Variants in BRD10 observed in about 807,000 individuals in gnomAD.
The protein encoded by BRD10 is uncharacterized bromodomain-containing protein 10.
the BRD10 span, chr9:5,988,325 A>AT: frequency 1.1e-3 from 1,568 of 1,489,936 alleles, 1 homozygote; most frequent in Non-Finnish European, 1.3e-3. Context: ...GAAATTATGA[A>AT]TTTTTTTCTT....
At chr9:5,974,650 T>C in the BRD10 span, among the ~76,000 whole-genome samples, 5 of 152,142 alleles carry the variant, frequency 3.3e-5, no homozygotes, top group Non-Finnish European at 1.5e-5. Flanking sequence ...CTGCAGGACA[T>C]AGTACCTGCA....
the BRD10 span, among the ~76,000 whole-genome samples, chr9:5,990,114 C>A: frequency 6.6e-6 from 1 of 152,182 alleles, no homozygotes; most frequent in Non-Finnish European, 1.5e-5. Context: ...GCTAATCTAG[C>A]ATACCATTTT....
chr9:5,946,593 T>C, the BRD10 span, among the ~76,000 whole-genome samples: 1 of 152,112 alleles, frequency 6.6e-6, no homozygotes, highest in Non-Finnish European at 1.5e-5. Flanking sequence ...TAATCTACTA[T>C]TATGATGACG....
the BRD10 span, among the ~76,000 whole-genome samples, chr9:5,941,543 A>T: frequency 6.6e-6 from 1 of 152,160 alleles, no homozygotes; most frequent in Admixed American, 6.6e-5. Context: ...TTTTGACTAA[A>T]CCCCTAAATG....
chr9:5,923,220 G>A, the BRD10 span: 25 of 1,613,810 alleles, frequency 1.5e-5, no homozygotes, highest in Non-Finnish European at 1.9e-5. Flanking sequence ...GTTTTAAGCA[G>A]TGTCTTCGGT....
chr9:5,975,945 A>G, the BRD10 span, among the ~76,000 whole-genome samples: 1 of 152,252 alleles, frequency 6.6e-6, no homozygotes, highest in Non-Finnish European at 1.5e-5. Context: ...GAAGAGGAAC[A>G]GAGCTTCCCT....
the BRD10 span, among the ~76,000 whole-genome samples, chr9:5,981,091 T>G: frequency 6.6e-6 from 1 of 152,376 alleles, no homozygotes; most frequent in East Asian, 1.9e-4. Context: ...ATTGTTTGCC[T>G]CTAGATCCAT....
At chr9:5,935,797 G>A in the BRD10 span, among the ~76,000 whole-genome samples, 15 of 152,198 alleles carry the variant, frequency 9.9e-5, no homozygotes, top group African/African-American at 2.2e-4. Flanking sequence ...CTCTCACAAC[G>A]CCTAACTCTG....
At chr9:5,924,896 G>T in the BRD10 span, 1 of 1,268,406 alleles carries the variant, frequency 7.9e-7, no homozygotes, top group South Asian at 2.5e-5. Context: ...TTAAATTCTT[G>T]GAATCTAAAC....
chr9:5,978,208 C>T, the BRD10 span, among the ~76,000 whole-genome samples: 3 of 151,708 alleles, frequency 2.0e-5, no homozygotes, highest in Non-Finnish European at 4.4e-5. Context: ...AGAAGCTGTG[C>T]CTAAGGTTAT....
the BRD10 span, among the ~76,000 whole-genome samples, chr9:5,894,953 A>T: frequency 6.6e-6 from 1 of 152,170 alleles, no homozygotes. This position sits in a 1 kb window ranked among gnomAD's most constrained non-coding sequence, Gnocchi z 4.0. Flanking sequence ...CTGAAGGCAC[A>T]AGCTTTCTGT....
the BRD10 span, among the ~76,000 whole-genome samples, chr9:5,977,770 G>A: frequency 3.9e-5 from 6 of 152,164 alleles, no homozygotes; most frequent in African/African-American, 1.4e-4. Context: ...AGGAGGCAGA[G>A]CTTGCAGTGA....
chr9:5,933,720 G>A, the BRD10 span: 8 of 467,386 alleles, frequency 1.7e-5, no homozygotes, highest in East Asian at 5.6e-4. Context: ...GCATCTCTAT[G>A]TATGTGAAAT....
At chr9:5,967,156 T>A in the BRD10 span, among the ~76,000 whole-genome samples, 1 of 152,190 alleles carries the variant, frequency 6.6e-6, no homozygotes, top group Non-Finnish European at 1.5e-5. Context: ...CAAACAATGA[T>A]GATGAAGAGC....
At chr9:5,921,072 A>G in the BRD10 span, 1 of 1,613,930 alleles carries the variant, frequency 6.2e-7, no homozygotes, top group Non-Finnish European at 8.5e-7. Context: ...GAAACCACTG[A>G]TTCATTAACA....
the BRD10 span, among the ~76,000 whole-genome samples, chr9:5,886,451 C>T: frequency 1.3e-5 from 2 of 152,224 alleles, no homozygotes; most frequent in South Asian, 2.1e-4. Context: ...AACAGGATCT[C>T]GTTTAACTCT....
At chr9:5,886,359 G>A in the BRD10 span, among the ~76,000 whole-genome samples, 1 of 152,204 alleles carries the variant, frequency 6.6e-6, no homozygotes, top group Non-Finnish European at 1.5e-5. Context: ...GGGCTGGTGT[G>A]GGGGCTGAGC....
chr9:5,969,880 A>G, the BRD10 span, among the ~76,000 whole-genome samples: 5 of 152,094 alleles, frequency 3.3e-5, no homozygotes, highest in South Asian at 2.1e-4. Context: ...AAAGTGTCTC[A>G]TAACAGTACC....
chr9:5,966,455 CTTTTT>C, the BRD10 span, among the ~76,000 whole-genome samples: 13 of 83,750 alleles, frequency 1.6e-4, no homozygotes, highest in Admixed American at 1.8e-4. Flanking sequence ...CTAACATTTC[CTTTTT>C]TTTTTTTTTT....
Sources: allele counts gnomAD v4.1 joint callset (sites outside exome capture counted in the v4.1 genomes callset), GRCh38; gene constraint gnomAD v4.1.1; non-coding constraint Gnocchi (gnomAD v3.1); transcripts MANE v1.5; gene names NCBI Gene and HGNC (gene_info 2026-07-23, HGNC 2026-07-21).